Variants in LRBA observed in about 807,000 individuals in gnomAD.
LRBA encodes the protein lipopolysaccharide-responsive and beige-like anchor protein.
Under a neutral mutation model 330.0 loss-of-function variants are expected in LRBA, and 176 were observed. The observed-to-expected ratio is 0.53, with a 90% confidence interval of 0.47 to 0.60. The LOEUF is 0.60. LRBA is among the 20% of genes least tolerant of loss of function. The pLI is 0.00. For missense variants in LRBA, 3,259 were observed against 3,444.8 expected (o/e 0.95, Z 1.35); for synonymous variants, 1,230 against 1,193.0 (o/e 1.03, Z -0.64).
chr4:150,743,506 G>A (rs1224971042), intron 35 of LRBA, among the ~76,000 whole-genome samples: 1 of 152,098 alleles, frequency 6.6e-6, no homozygotes, highest in African/African-American at 2.4e-5. Flanking sequence ...ATGAGCTTGG[G>A]GAACATATAA....
chr4:150,881,189 A>G (rs72719667), intron 17 of LRBA, among the ~76,000 whole-genome samples: 2,793 of 152,348 alleles, frequency 0.018, 40 homozygotes, highest in Non-Finnish European at 0.028. Context: ...AATAAAATAA[A>G]TCATTCTACC....
chr4:150,861,230 G>T (rs1272391873), intron 22 of LRBA, among the ~76,000 whole-genome samples: 1 of 151,570 alleles, frequency 6.6e-6, no homozygotes, highest in African/African-American at 2.4e-5. Context: ...AGCCTCCTGA[G>T]TAGCTAGAAA....
intron 40 of LRBA, among the ~76,000 whole-genome samples, chr4:150,506,153 G>A (rs922417693): frequency 1.3e-5 from 2 of 152,206 alleles, no homozygotes; most frequent in Admixed American, 6.5e-5. Flanking sequence ...GAGGTGCAAG[G>A]AGGAGCTGGT....
chr4:150,365,363 A>G (rs1739312358), intron 47 of LRBA, among the ~76,000 whole-genome samples: 1 of 152,124 alleles, frequency 6.6e-6, no homozygotes, highest in South Asian at 2.1e-4. Flanking sequence ...AATGATACCA[A>G]TATATTAGTT....
Position 150,905,966 on chromosome 4 carries a change from C to T in LRBA, c.1627G>A (p.Ala543Thr), listed in dbSNP as rs1433402403. The T allele has an allele frequency of 1.2e-6, 2 of 1,613,562 alleles. No individual in the cohort carries two copies. The highest frequency in any genetic ancestry group is 3.3e-5 in the Admixed American group (2 of 59,960). Residue 543 changes from alanine to threonine, a missense_variant, in exon 13 of 57, where the codon GCA becomes ACA. Physicochemically the swap from Ala to Thr is moderately conservative, Grantham distance 58. Coordinates refer to ENST00000651943, the MANE Select transcript of LRBA (RefSeq NM_001364905.1). Reference protein sequence around the residue: ...EKSSKSHVSRAVLELCLAFSK... With the variant: ...EKSSKSHVSRTVLELCLAFSK... ...AATGCAAGGCAAAGTTCAAGTACTG[C>T]TCTGCTAACATGAGATTTGGAAGAC...
intron 37 of LRBA, among the ~76,000 whole-genome samples, chr4:150,647,942 G>A (rs1430670049): frequency 6.6e-6 from 1 of 151,596 alleles, no homozygotes; most frequent in African/African-American, 2.4e-5. Flanking sequence ...CTAGCAGAGT[G>A]TGAGGTTCAA....
intron 40 of LRBA, among the ~76,000 whole-genome samples, chr4:150,523,414 A>G (rs766587798): frequency 1.3e-5 from 2 of 152,120 alleles, no homozygotes; most frequent in Non-Finnish European, 2.9e-5. Context: ...GCAAGGTGCC[A>G]CGATGGAAGC....
chr4:150,584,638 C>T (rs190666118), intron 40 of LRBA: 1 of 167,158 alleles, frequency 6.0e-6, no homozygotes, highest in Admixed American at 6.5e-5. Context: ...AACCTCTACC[C>T]TCACCCTGAG....
Position 150,954,881 on chromosome 4 carries a change from T to A in LRBA, c.217-25816A>T, listed in dbSNP as rs919949469. On this transcript the variant is annotated intron_variant, in intron 2 of 56. Transcript: ENST00000651943. Reference sequence around the variant, plus strand: ...AGTATATCATTTGACCATAAGGGAATAAAACTAGAAATCATAACAGAAAGA... The same window carrying A: ...AGTATATCATTTGACCATAAGGGAAAAAAACTAGAAATCATAACAGAAAGA... 9.5e-5 allele frequency among the ~76,000 whole-genome samples: 8 copies of A among 84,402 alleles called. 1 individual carries two copies. Among genetic ancestry groups the A allele is most frequent in the African/African-American group, 4.2e-4 (8 of 18,928 alleles). 55.4% of individuals were successfully genotyped at this position (84,402 alleles called of 152,430 possible).
chr4:150,529,569 A>G (rs566596867), intron 40 of LRBA, among the ~76,000 whole-genome samples: 3 of 152,172 alleles, frequency 2.0e-5, no homozygotes, highest in Admixed American at 6.5e-5. Flanking sequence ...TACAAAAATT[A>G]GCTAGGCATG....
chr4:150,311,594 C>A (rs1731076735), intron 51 of LRBA, among the ~76,000 whole-genome samples: 1 of 152,154 alleles, frequency 6.6e-6, no homozygotes, highest in Non-Finnish European at 1.5e-5. Flanking sequence ...CACAACACGG[C>A]ACACACGTAC....
At chr4:150,468,447 T>C (rs1027258289) in intron 43 of LRBA, among the ~76,000 whole-genome samples, 1 of 152,094 alleles carries the variant, frequency 6.6e-6, no homozygotes, top group Non-Finnish European at 1.5e-5. Context: ...CAATGACATA[T>C]TTAGATTTAT....
At chr4:150,817,393 A>C in intron 30 of LRBA, 136 bp from the exon 31 acceptor site, 1 of 749,178 alleles carries the variant, frequency 1.3e-6, no homozygotes, top group Admixed American at 2.6e-5. Context: ...TGTACAATTT[A>C]GACTTTTCAC....
At chr4:150,546,832 T>C (rs1459177810) in intron 40 of LRBA, among the ~76,000 whole-genome samples, 1 of 152,208 alleles carries the variant, frequency 6.6e-6, no homozygotes, top group African/African-American at 2.4e-5. Flanking sequence ...TGGTCAGCTC[T>C]CTACATTGGT....
chr4:150,604,299 G>A (rs1281585806), intron 37 of LRBA, among the ~76,000 whole-genome samples: 1 of 151,912 alleles, frequency 6.6e-6, no homozygotes, highest in African/African-American at 2.4e-5. Flanking sequence ...AGCTTCTTGG[G>A]AGGCTAAGGT....
At chr4:150,410,569 T>C (rs1368982333) in intron 47 of LRBA, among the ~76,000 whole-genome samples, 1 of 148,768 alleles carries the variant, frequency 6.7e-6, no homozygotes, top group Non-Finnish European at 1.5e-5. Context: ...CTTAGGACAA[T>C]TCAACAAGAG....
intron 53 of LRBA, among the ~76,000 whole-genome samples, chr4:150,297,768 G>T (rs906362233): frequency 2.0e-5 from 3 of 152,168 alleles, no homozygotes; most frequent in African/African-American, 7.2e-5. Context: ...AAGCTAACAA[G>T]TTTATTTCAT....
At chr4:150,525,971 G>A (rs1258921430) in intron 40 of LRBA, among the ~76,000 whole-genome samples, 1 of 151,932 alleles carries the variant, frequency 6.6e-6, no homozygotes, top group Non-Finnish European at 1.5e-5. Flanking sequence ...AATCCTCACA[G>A]GGTGTAATTA....
intron 2 of LRBA, among the ~76,000 whole-genome samples, chr4:150,965,894 G>A (rs1738825803): frequency 6.6e-6 from 1 of 151,920 alleles, no homozygotes; most frequent in Non-Finnish European, 1.5e-5. Flanking sequence ...AGATGAGCAA[G>A]GGATAATGTA....
Sources: gnomAD v4.1 joint callset for allele counts (sites outside exome capture counted in the v4.1 genomes callset) on GRCh38, gnomAD v4.1.1 for gene constraint, MANE v1.5 for transcripts, NCBI Gene and HGNC (gene_info 2026-07-23, HGNC 2026-07-21) for gene names.